The following CNTN5 variants were observed in gnomAD, a reference collection of about 807,000 sequenced individuals.
The protein encoded by CNTN5 is contactin-5.
A neutral mutation model predicts 129.1 loss-of-function variants in CNTN5; 77 were observed. The observed-to-expected ratio is 0.60, with a 90% CI of 0.50 to 0.72. The LOEUF (loss-of-function observed/expected upper bound fraction) is 0.72, where lower values mean the gene tolerates loss of function less well. Ranked by LOEUF, CNTN5 falls within the 30% of genes least tolerant of loss-of-function variation. The pLI, the probability that CNTN5 is intolerant of heterozygous loss-of-function variation, is 0.00. For synonymous variants in CNTN5, 509 were observed against 465.6 expected, an observed-to-expected ratio of 1.09 and a Z score of -1.20; for missense variants, 1,478 against 1,328.8, an observed-to-expected ratio of 1.11 and a Z score of -1.75.
chr11:100,111,639 G>T (rs1357998717), intron 13 of CNTN5, among the ~76,000 whole-genome samples: 1 of 152,008 alleles, frequency 6.6e-6, no homozygotes, highest in Non-Finnish European at 1.5e-5. Context: ...TATTCTTACT[G>T]TGATAAGAAC....
At chr11:100,294,440 T>C (rs1263272983) in intron 18 of CNTN5, among the ~76,000 whole-genome samples, 2 of 151,702 alleles carry the variant, frequency 1.3e-5, no homozygotes, top group African/African-American at 4.8e-5. Flanking sequence ...TAGGCATTTG[T>C]AGCTTGTGGA....
chr11:100,166,745 T>C (rs1947650031), intron 13 of CNTN5, among the ~76,000 whole-genome samples: 1 of 151,854 alleles, frequency 6.6e-6, no homozygotes, highest in Non-Finnish European at 1.5e-5. Context: ...TTTTAATTTG[T>C]GTACACTTAA....
At chr11:99,724,433 C>G (rs1189308554) in intron 3 of CNTN5, among the ~76,000 whole-genome samples, 1 of 152,126 alleles carries the variant, frequency 6.6e-6, no homozygotes. Context: ...TATAGCAACA[C>G]CACTACACGA....
At chr11:99,456,964 A>T (rs1944518550) in intron 2 of CNTN5, among the ~76,000 whole-genome samples, 1 of 152,020 alleles carries the variant, frequency 6.6e-6, no homozygotes, top group African/African-American at 2.4e-5. Flanking sequence ...TGTGTCAGGC[A>T]ACGTGATAGA....
chr11:100,285,974 C>T (rs535967987), intron 18 of CNTN5, among the ~76,000 whole-genome samples: 174 of 152,310 alleles, frequency 1.1e-3, no homozygotes, highest in Non-Finnish European at 2.0e-3. Context: ...GCTCCCTTTC[C>T]GAGTCAAAGA....
At position 99,196,420 on chromosome 11, in the gene CNTN5, G is replaced by A. The variant is rs1226442466; in HGVS notation, c.-209-128926G>A. 2.0e-5 allele frequency among the ~76,000 whole-genome samples: 3 copies of A among 151,870 alleles called. No individual in the cohort carries two copies. In the East Asian group the frequency reaches 5.8e-4, roughly 29 times the overall value. On this transcript the variant is annotated intron_variant, in intron 1 of 24. Coordinates refer to ENST00000524871, the MANE Select transcript of CNTN5 (RefSeq NM_014361.4). ...CATTGGTGTGTTTACATGTGTCTGT[G>A]CATGTATGCATTTTTCTCCTCACAT...
chr11:100,172,326 C>A (rs112470009), intron 13 of CNTN5, among the ~76,000 whole-genome samples: 1,536 of 151,850 alleles, frequency 0.01, 23 homozygotes, highest in African/African-American at 0.032. Context: ...TAATCAAATA[C>A]CCTGATGAGG....
Position 99,339,878 on chromosome 11 carries a change from A to G in CNTN5, c.-71+14394A>G, listed in dbSNP as rs532119928. ...TGGAGAGTGAAAAAAGTGAGATAAG[A>G]GAGCTGGTAGGATAAAACCAAAATC... On this transcript the variant is annotated intron_variant, in intron 2 of 24. Coordinates refer to ENST00000524871, the MANE Select transcript of CNTN5 (RefSeq NM_014361.4). Among the ~76,000 whole-genome samples, 10 of 152,134 alleles carry G rather than the reference A, an allele frequency of 6.6e-5. No individual in the cohort carries two copies. In the South Asian group the frequency reaches 8.3e-4, roughly 13 times the overall value.
intron 2 of CNTN5, among the ~76,000 whole-genome samples, chr11:99,399,543 G>A (rs187688078): frequency 1.6e-4 from 24 of 151,654 alleles, no homozygotes; most frequent in Admixed American, 3.9e-4. Context: ...GATAAGAGCC[G>A]ATTATGTAAT....
chr11:99,485,280 G>T (rs895480497), intron 2 of CNTN5, among the ~76,000 whole-genome samples: 1 of 151,848 alleles, frequency 6.6e-6, no homozygotes, highest in East Asian at 1.9e-4. Flanking sequence ...GGATTAGTGG[G>T]GAGAGAGAGA....
intron 16 of CNTN5, among the ~76,000 whole-genome samples, chr11:100,253,042 A>C (rs1950001108): frequency 6.6e-6 from 1 of 152,156 alleles, no homozygotes; most frequent in Non-Finnish European, 1.5e-5. Flanking sequence ...TCAGGGAGTA[A>C]AGGAAGTGAT....
At chr11:100,059,190 T>C (rs2137794114) in intron 9 of CNTN5, among the ~76,000 whole-genome samples, 1 of 152,276 alleles carries the variant, frequency 6.6e-6, no homozygotes, top group Admixed American at 6.5e-5. Flanking sequence ...TTAATGATGC[T>C]GAAATAATCA....
intron 1 of CNTN5, among the ~76,000 whole-genome samples, chr11:99,155,515 T>C (rs1860290257): frequency 6.6e-6 from 1 of 152,218 alleles, no homozygotes; most frequent in African/African-American, 2.4e-5. Context: ...TCATTGATCA[T>C]GATGTTCCTA....
chr11:99,224,388 C>A (rs1006777648), intron 1 of CNTN5, among the ~76,000 whole-genome samples: 9 of 152,090 alleles, frequency 5.9e-5, no homozygotes, highest in African/African-American at 2.2e-4. Flanking sequence ...AAGTAAACTT[C>A]CAAGTAGCTA....
intron 3 of CNTN5, among the ~76,000 whole-genome samples, chr11:99,795,075 G>T (rs7128066): frequency 6.6e-6 from 1 of 152,140 alleles, no homozygotes; most frequent in Non-Finnish European, 1.5e-5. Context: ...TCATAGATTT[G>T]CTTTCTATAC....
intron 13 of CNTN5, among the ~76,000 whole-genome samples, chr11:100,112,916 T>TA (rs1945703311): frequency 6.6e-6 from 1 of 152,186 alleles, no homozygotes; most frequent in African/African-American, 2.4e-5. Flanking sequence ...GCTCAGGTGA[T>TA]ATATCTATAT....
chr11:99,349,688 T>C (rs1232547895), intron 2 of CNTN5, among the ~76,000 whole-genome samples: 2 of 152,152 alleles, frequency 1.3e-5, no homozygotes, highest in Non-Finnish European at 2.9e-5. Flanking sequence ...TGAACTAAAC[T>C]TTTAAAGGGA....
intron 6 of CNTN5, among the ~76,000 whole-genome samples, chr11:99,873,694 C>G (rs1220599860): frequency 2.6e-5 from 4 of 152,122 alleles, no homozygotes; most frequent in Non-Finnish European, 5.9e-5. Flanking sequence ...TTCAATCTAG[C>G]AGTCCCACTA....
intron 7 of CNTN5, among the ~76,000 whole-genome samples, chr11:99,936,899 G>A (rs1009705366): frequency 2.6e-5 from 4 of 152,124 alleles, no homozygotes; most frequent in African/African-American, 9.7e-5. Flanking sequence ...AGGCAAGGCA[G>A]GGATATGTTA....
Sources: allele counts gnomAD v4.1 joint callset (sites outside exome capture counted in the v4.1 genomes callset), GRCh38; gene constraint gnomAD v4.1.1; transcripts MANE v1.5; gene names NCBI Gene and HGNC (gene_info 2026-07-23, HGNC 2026-07-21).